Variants in TRABD2B observed in about 807,000 individuals in gnomAD.
The protein encoded by TRABD2B is TraB domain containing 2B.
A neutral mutation model predicts 40.1 loss-of-function variants in TRABD2B; 14 were observed. That is an observed-to-expected ratio of 0.35 (90% CI 0.23 to 0.55). The LOEUF (loss-of-function observed/expected upper bound fraction) is 0.55, where lower values mean the gene tolerates loss of function less well. TRABD2B is among the 20% of genes least tolerant of loss of function. The pLI is 0.90. For missense variants in TRABD2B, 541 were observed against 648.6 expected (o/e 0.83, Z 1.80); for synonymous variants, 263 against 277.0 (o/e 0.95, Z 0.50).
chr1:47,926,788 A>T (rs920965742), intron 2 of TRABD2B, among the ~76,000 whole-genome samples: 3 of 152,184 alleles, frequency 2.0e-5, no homozygotes, highest in African/African-American at 7.2e-5. Context: ...GACTGGTGCC[A>T]ACTACTCAGC....
intron 2 of TRABD2B, among the ~76,000 whole-genome samples, chr1:47,889,815 C>A (rs2124647226): frequency 6.6e-6 from 1 of 152,318 alleles, no homozygotes; most frequent in African/African-American, 2.4e-5. Flanking sequence ...CAACCTTTAC[C>A]CTCTCTGAGT....
intron 2 of TRABD2B, among the ~76,000 whole-genome samples, chr1:47,891,879 A>T (rs1053459739): frequency 6.6e-6 from 1 of 152,180 alleles, no homozygotes; most frequent in African/African-American, 2.4e-5. Flanking sequence ...AGAGCAAGGG[A>T]CTAGTATGGC....
At chr1:47,869,915 C>A (rs989471718) in intron 2 of TRABD2B, among the ~76,000 whole-genome samples, 3 of 152,098 alleles carry the variant, frequency 2.0e-5, no homozygotes, top group African/African-American at 7.2e-5. Context: ...GGGGGAGATT[C>A]TCTGCAGACC....
At chr1:47,916,804 G>A (rs1644835977) in intron 2 of TRABD2B, among the ~76,000 whole-genome samples, 1 of 152,196 alleles carries the variant, frequency 6.6e-6, no homozygotes, top group Non-Finnish European at 1.5e-5. Flanking sequence ...CTTCACAGTT[G>A]CCTTCTCTTG....
intron 2 of TRABD2B, among the ~76,000 whole-genome samples, chr1:47,952,612 C>T (rs1645361813): frequency 6.6e-6 from 1 of 152,208 alleles, no homozygotes; most frequent in African/African-American, 2.4e-5. Flanking sequence ...ACACCTCTCC[C>T]TCTGTCTCAG....
At chr1:47,774,856 G>A (rs966201764) in intron 6 of TRABD2B, among the ~76,000 whole-genome samples, 1 of 152,204 alleles carries the variant, frequency 6.6e-6, no homozygotes, top group Non-Finnish European at 1.5e-5. Flanking sequence ...CCAGTCCATG[G>A]GACAAATGGC....
At chr1:47,937,258 CCATCAT>C (rs771102829) in intron 2 of TRABD2B, among the ~76,000 whole-genome samples, 3 of 150,006 alleles carry the variant, frequency 2.0e-5, no homozygotes, top group Admixed American at 6.6e-5. Flanking sequence ...ATCACCATCA[CCATCAT>C]CATCACCACT....
Position 47,997,352 on chromosome 1 carries a change from C to A in TRABD2B, c.-563G>T. 1 of 306,506 alleles carries A rather than the reference C, an allele frequency of 3.3e-6. No homozygotes were observed. Among genetic ancestry groups the A allele is most frequent in the Non-Finnish European group, 4.7e-6 (1 of 214,414 alleles). 19.0% of individuals were successfully genotyped at this position (306,506 alleles called of 1,614,324 possible). ...CGCGCGGCCGCTGCCCGGGCTCCGCCATGCTGCTCCGCGGCCGGGAGGGAG... is the reference window on the plus strand; with the variant it reads ...CGCGCGGCCGCTGCCCGGGCTCCGCAATGCTGCTCCGCGGCCGGGAGGGAG... On this transcript the variant is annotated 5_prime_UTR_variant, in exon 1 of 7. The change abolishes an upstream ATG in the 5' untranslated region. Coordinates refer to ENST00000606738, the MANE Select transcript of TRABD2B (RefSeq NM_001194986.2).
intron 2 of TRABD2B, among the ~76,000 whole-genome samples, chr1:47,805,440 T>C (rs1644878820): frequency 6.6e-6 from 1 of 152,126 alleles, no homozygotes; most frequent in Admixed American, 6.5e-5. Flanking sequence ...AAGCCTATCA[T>C]CCTGATTCTC....
At position 47,794,611 on chromosome 1, in the gene TRABD2B, C is replaced by A; in HGVS notation, c.963G>T (p.Lys321Asn). ...VMALLRENED[K>N]ICFFAFGAGH... The stretch of plus-strand genomic sequence containing the variant: ...CTGCTCCGAAGGCAAAGAAGCAGAT[C>A]TTGTCCTCGTTCTCCCGTAGAAGCG... Residue 321 changes from lysine (K) to asparagine (N), a missense_variant, in exon 4 of 7, where the codon AAG becomes AAT. Lys to Asn is a moderately conservative substitution (Grantham distance 94, BLOSUM62 0). Transcript: ENST00000606738. 1 of 1,533,994 alleles carries A rather than the reference C, an allele frequency of 6.5e-7. No homozygotes were observed. Among genetic ancestry groups the A allele is most frequent in the Non-Finnish European group, 8.7e-7 (1 of 1,145,182 alleles).
chr1:47,937,165 C>A (rs1017788541), intron 2 of TRABD2B, among the ~76,000 whole-genome samples: 7 of 149,710 alleles, frequency 4.7e-5, no homozygotes, highest in Non-Finnish European at 7.4e-5. Flanking sequence ...ATCACCATCA[C>A]CACCACCACC....
At chr1:47,970,614 G>A (rs1362585306) in intron 2 of TRABD2B, among the ~76,000 whole-genome samples, 1 of 152,156 alleles carries the variant, frequency 6.6e-6, no homozygotes, top group African/African-American at 2.4e-5. Flanking sequence ...AGGCCTCTGT[G>A]GCTTAAAGCA....
intron 2 of TRABD2B, among the ~76,000 whole-genome samples, chr1:47,965,492 G>A (rs1050092638): frequency 6.6e-6 from 1 of 152,080 alleles, no homozygotes; most frequent in Non-Finnish European, 1.5e-5. Context: ...GACTCACTTT[G>A]GCAATATCTG....
intron 6 of TRABD2B, among the ~76,000 whole-genome samples, chr1:47,771,291 A>G (rs6657202): frequency 0.64 from 97,539 of 152,066 alleles, 31,836 homozygotes; most frequent in East Asian, 0.98. Flanking sequence ...GACCCAGAGG[A>G]CAATGACTCT....
chr1:47,803,164 G>A (rs527785075), intron 2 of TRABD2B, among the ~76,000 whole-genome samples: 6 of 152,220 alleles, frequency 3.9e-5, no homozygotes, highest in African/African-American at 7.2e-5. Context: ...ACCACCTGGG[G>A]ACTGGGTTAG....
At chr1:47,833,930 A>G (rs1645283453) in intron 2 of TRABD2B, among the ~76,000 whole-genome samples, 2 of 152,248 alleles carry the variant, frequency 1.3e-5, no homozygotes, top group African/African-American at 4.8e-5. Flanking sequence ...AACATTAATC[A>G]GCAAAATCTC....
intron 2 of TRABD2B, among the ~76,000 whole-genome samples, chr1:47,871,503 C>T (rs61316470): frequency 0.036 from 5,418 of 152,276 alleles, 314 homozygotes; most frequent in African/African-American, 0.12. Context: ...TGACTTGGAG[C>T]CCTGAATGAA....
intron 2 of TRABD2B, among the ~76,000 whole-genome samples, chr1:47,925,403 A>G (rs1199596823): frequency 6.6e-6 from 1 of 151,806 alleles, no homozygotes; most frequent in Non-Finnish European, 1.5e-5. Context: ...AATAATTCCG[A>G]TTAAGATTTT....
At chr1:47,881,648 C>T (rs913604424) in intron 2 of TRABD2B, among the ~76,000 whole-genome samples, 2 of 152,144 alleles carry the variant, frequency 1.3e-5, no homozygotes, top group African/African-American at 2.4e-5. Flanking sequence ...CATGTATCCT[C>T]GTAAGTCTGT....
Sources: gnomAD v4.1 joint callset for allele counts (sites outside exome capture counted in the v4.1 genomes callset) on GRCh38, gnomAD v4.1.1 for gene constraint, MANE v1.5 for transcripts, NCBI Gene and HGNC (gene_info 2026-07-23, HGNC 2026-07-21) for gene names.